The following SLC17A5 variants were observed in gnomAD, a reference collection of about 807,000 sequenced individuals.
SLC17A5 encodes sialin.
Under a neutral mutation model 59.4 loss-of-function variants are expected in SLC17A5, and 47 were observed. That is an observed-to-expected ratio of 0.79 (90% confidence interval 0.63 to 1.01). The LOEUF is 1.01. Among genes scored for constraint, SLC17A5 ranks in the 50% least tolerant of loss-of-function variants. The pLI is 0.00. For synonymous variants in SLC17A5, 202 were observed against 210.7 expected (o/e 0.96, Z 0.36); for missense variants, 522 against 595.5 (o/e 0.88, Z 1.28).
chr6:73,635,330 C>T lies in SLC17A5; in HGVS notation c.819+52G>A, dbSNP rs520589. The T allele has an allele frequency of 0.1, 103,383 of 996,402 alleles. 8,221 individuals carry two copies. Among genetic ancestry groups the T allele is most frequent in the African/African-American group, 0.35 (21,804 of 62,650 alleles). 61.7% of individuals were successfully genotyped at this position (996,402 alleles called of 1,614,324 possible). The stretch of plus-strand genomic sequence containing the variant: ...ATTTTTAAAAACTGATATCTTAATT[C>T]TGAAGAAAAAAAGTTTCTGACATTA... On this transcript the variant is annotated intron_variant, in intron 6 of 10. Coordinates refer to ENST00000355773, the MANE Select transcript of SLC17A5 (RefSeq NM_012434.5).
intron 7 of SLC17A5, among the ~76,000 whole-genome samples, chr6:73,619,023 T>G (rs1275158704): frequency 3.9e-5 from 6 of 152,082 alleles, no homozygotes; most frequent in Non-Finnish European, 8.8e-5. Context: ...GCCCGGCCAC[T>G]GTAGGGTTAT....
intron 6 of SLC17A5, among the ~76,000 whole-genome samples, chr6:73,633,890 T>A (rs9293935): frequency 0.18 from 27,157 of 150,492 alleles, 3,396 homozygotes; most frequent in African/African-American, 0.36. Context: ...AAAAAAAAAA[T>A]AAATAAAATA....
intron 7 of SLC17A5, among the ~76,000 whole-genome samples, chr6:73,616,529 A>T (rs1767874954): frequency 6.7e-6 from 1 of 148,236 alleles, no homozygotes; most frequent in Admixed American, 6.9e-5. Flanking sequence ...TCAAAAGTGC[A>T]TTACATGTTT....
intron 6 of SLC17A5, among the ~76,000 whole-genome samples, chr6:73,632,314 A>G (rs1050880664): frequency 1.4e-5 from 2 of 144,596 alleles, no homozygotes; most frequent in South Asian, 2.2e-4. Flanking sequence ...AAAAAAAAAA[A>G]GGAATGCAAT....
At chr6:73,608,752 AC>A (rs1767510681) in intron 9 of SLC17A5, among the ~76,000 whole-genome samples, 1 of 152,200 alleles carries the variant, frequency 6.6e-6, no homozygotes, top group African/African-American at 2.4e-5. Flanking sequence ...GCTGTGGCCC[AC>A]GCCTGTAATC....
At chr6:73,613,634 T>C (rs1045873824) in intron 8 of SLC17A5, among the ~76,000 whole-genome samples, 1 of 152,180 alleles carries the variant, frequency 6.6e-6, no homozygotes, top group Non-Finnish European at 1.5e-5. Context: ...AGTGCTAGGA[T>C]TACAGGCATA....
chr6:73,614,354 C>T (rs2150090556), intron 8 of SLC17A5, among the ~76,000 whole-genome samples: 1 of 152,266 alleles, frequency 6.6e-6, no homozygotes, highest in East Asian at 1.9e-4. Context: ...AGGAAGATCA[C>T]TTGAGGCCAG....
At chr6:73,643,307 C>T (rs2150119786) in intron 2 of SLC17A5, among the ~76,000 whole-genome samples, 1 of 150,506 alleles carries the variant, frequency 6.6e-6, no homozygotes, top group East Asian at 2.0e-4. Context: ...ACCACAGGCG[C>T]CCACCACCTC....
chr6:73,621,125 C>T (rs933402412), intron 7 of SLC17A5, among the ~76,000 whole-genome samples: 2 of 152,126 alleles, frequency 1.3e-5, no homozygotes, highest in African/African-American at 4.8e-5. Flanking sequence ...CCTGCCTCAA[C>T]CTCTCGAGTA....
intron 10 of SLC17A5, among the ~76,000 whole-genome samples, chr6:73,597,646 A>C (rs955175346): frequency 3.3e-5 from 5 of 151,620 alleles, no homozygotes; most frequent in African/African-American, 1.2e-4. Context: ...TTAGCTGGAC[A>C]TGGTAGTGTA....
chr6:73,632,690 T>C (rs1297392396), intron 6 of SLC17A5, among the ~76,000 whole-genome samples: 2 of 151,398 alleles, frequency 1.3e-5, no homozygotes, highest in African/African-American at 4.9e-5. Context: ...AATCCTTCCA[T>C]CTTGGCCTCC....
chr6:73,642,008 TA>T, intron 2 of SLC17A5, 84 bp from the exon 3 acceptor site: 1 of 1,216,484 alleles, frequency 8.2e-7, no homozygotes, highest in Non-Finnish European at 1.2e-6. Context: ...TAAGTACATA[TA>T]AATGAGATTT....
chr6:73,621,846 C>T lies in SLC17A5; in HGVS notation c.936G>A (p.Leu312=). 1.2e-6 allele frequency: 2 copies of T among 1,612,824 alleles called. No individual in the cohort carries two copies. The highest frequency in any genetic ancestry group is 1.7e-6 in the Non-Finnish European group (2 of 1,178,938). Residue 312 remains leucine, a synonymous_variant, in exon 7 of 11, where the codon TTG becomes TTA. Coordinates refer to ENST00000355773, the MANE Select transcript of SLC17A5 (RefSeq NM_012434.5). ...NWTFYTLLTL[L]PTYMKEILRF... is the part of the protein sequence containing the mutation. ...TTAGGATCTCCTTCATATAAGTAGGCAATAATGTCAATAAAGTATAAAAAG... is the reference window on the plus strand; with the variant it reads ...TTAGGATCTCCTTCATATAAGTAGGTAATAATGTCAATAAAGTATAAAAAG...
chr6:73,629,635 C>T (rs187225498), intron 6 of SLC17A5, among the ~76,000 whole-genome samples: 32 of 151,810 alleles, frequency 2.1e-4, no homozygotes, highest in African/African-American at 4.3e-4. Context: ...ATTAGCTGGG[C>T]GTGGTGGTGC....
rs3045763 is a variant in SLC17A5 at position 73,605,630 on chromosome 6, AACACACACAC to A, written c.1259+4760_1259+4769del. On this transcript the variant is annotated intron_variant, in intron 9 of 10. Coordinates refer to ENST00000355773, the MANE Select transcript of SLC17A5 (RefSeq NM_012434.5). ...CTTTGAGCTAGAACTGCAAGGTTTA[AACACACACAC>A]ACACACACACACACACACACACACA... 2.8e-3 allele frequency among the ~76,000 whole-genome samples: 405 copies of A among 145,956 alleles called. 1 individual carries two copies. The highest frequency in any genetic ancestry group is 9.1e-3 in the African/African-American group (358 of 39,534).
chr6:73,644,463 T>C lies in SLC17A5; in HGVS notation c.235A>G (p.Thr79Ala). The change falls in exon 2 of 11, where the codon ACT (threonine) becomes GCT (alanine). Residue 79 changes from threonine to alanine, a missense_variant. Physicochemically the swap from Thr to Ala is moderately conservative, Grantham distance 58. Coordinates refer to ENST00000355773, the MANE Select transcript of SLC17A5 (RefSeq NM_012434.5). Reference sequence around the variant, plus strand: ...GAATGCTCTGGACACGCCTTGGAAGTTCTATTATCTTCTAAAGTTGTATTT... The same window carrying C: ...GAATGCTCTGGACACGCCTTGGAAGCTCTATTATCTTCTAAAGTTGTATTT... Reference protein sequence around the residue: ...DSNTTLEDNRTSKACPEHSAP... With the variant: ...DSNTTLEDNRASKACPEHSAP... 6.2e-7 allele frequency: 1 copy of C among 1,614,030 alleles called. No individual in the cohort carries two copies. The highest frequency in any genetic ancestry group is 8.5e-7 in the Non-Finnish European group (1 of 1,179,948).
At chr6:73,615,561 T>C in intron 7 of SLC17A5, 114 bp from the exon 8 acceptor site, 1 of 1,036,214 alleles carries the variant, frequency 9.7e-7, no homozygotes, top group Non-Finnish European at 1.5e-6. Flanking sequence ...CATAGCAATA[T>C]GTTGTTAATT....
chr6:73,611,927 G>A (rs2150087978), intron 8 of SLC17A5, among the ~76,000 whole-genome samples: 1 of 152,192 alleles, frequency 6.6e-6, no homozygotes, highest in East Asian at 1.9e-4. Flanking sequence ...TGACTTCCCA[G>A]GCTCAAGTGA....
intron 2 of SLC17A5, among the ~76,000 whole-genome samples, chr6:73,642,853 T>C (rs10943119): frequency 0.056 from 8,479 of 152,288 alleles, 424 homozygotes; most frequent in Admixed American, 0.16. Context: ...TACTTTTCCT[T>C]ATTTAGGGTA....
Sources: gnomAD v4.1 joint callset for allele counts (sites outside exome capture counted in the v4.1 genomes callset) on GRCh38, gnomAD v4.1.1 for gene constraint, MANE v1.5 for transcripts, NCBI Gene and HGNC (gene_info 2026-07-23, HGNC 2026-07-21) for gene names.